Variants in TMEM163 observed in about 807,000 individuals in gnomAD.
TMEM163 encodes transmembrane protein 163.
In TMEM163, 17 loss-of-function variants were observed where a neutral mutation model predicts 29.3. The observed-to-expected ratio is 0.58, with a 90% CI of 0.40 to 0.87. The LOEUF is 0.87. Ranked by LOEUF, TMEM163 falls within the 40% of genes least tolerant of loss-of-function variation. The pLI is 0.00. For missense variants in TMEM163, 303 were observed against 381.5 expected, an observed-to-expected ratio of 0.79 and a Z score of 1.71; for synonymous variants, 157 against 160.6, an observed-to-expected ratio of 0.98 and a Z score of 0.17.
Position 134,460,697 on chromosome 2 carries a change from C to T in TMEM163, c.668-2524G>A, listed in dbSNP as rs1686515815. 6.6e-6 allele frequency among the ~76,000 whole-genome samples: 1 copy of T among 152,142 alleles called. No homozygotes were observed. Among genetic ancestry groups the T allele is most frequent in the South Asian group, 2.1e-4 (1 of 4,824 alleles). Reference sequence around the variant, plus strand: ...AAAGAGGCAAAAGCGTGAGGTTCCCCAGACAGCCACTAGATGTCTGCTCAG... The same window carrying T: ...AAAGAGGCAAAAGCGTGAGGTTCCCTAGACAGCCACTAGATGTCTGCTCAG... On this transcript the variant is annotated intron_variant, in intron 6 of 7. Coordinates refer to ENST00000281924, the MANE Select transcript of TMEM163 (RefSeq NM_030923.5). This position sits in a 1 kb window ranked among gnomAD's most constrained non-coding sequence, Gnocchi z 4.3.
Position 134,642,414 on chromosome 2 carries a change from G to A in TMEM163, c.322+70786C>T, listed in dbSNP as rs184662748. On this transcript the variant is annotated intron_variant, in intron 2 of 7. Coordinates refer to ENST00000281924, the MANE Select transcript of TMEM163 (RefSeq NM_030923.5). The stretch of plus-strand genomic sequence containing the variant: ...CACAGTCCTGGCATTACAGGCACGA[G>A]CCACCGCGAACGGCCACCAATCCAT... 2.6e-3 allele frequency among the ~76,000 whole-genome samples: 394 copies of A among 152,170 alleles called. 2 individuals are homozygous for A. Among genetic ancestry groups the A allele is most frequent in the African/African-American group, 4.2e-3 (173 of 41,512 alleles).
chr2:134,537,442 G>GCCT, intron 4 of TMEM163, among the ~76,000 whole-genome samples: 1 of 152,146 alleles, frequency 6.6e-6, no homozygotes, highest in South Asian at 2.1e-4. Context: ...GCAAGTGCTG[G>GCCT]CCTCTCTCCC....
At chr2:134,612,939 A>C (rs556111505) in intron 2 of TMEM163, among the ~76,000 whole-genome samples, 2 of 152,372 alleles carry the variant, frequency 1.3e-5, no homozygotes, top group Non-Finnish European at 2.9e-5. Flanking sequence ...AGGAAGCCAG[A>C]TGTTAGACTT....
At chr2:134,606,014 A>G (rs2104813639) in intron 2 of TMEM163, among the ~76,000 whole-genome samples, 1 of 152,290 alleles carries the variant, frequency 6.6e-6, no homozygotes. Flanking sequence ...TTCCTTTTAA[A>G]CAATTGAGTA....
At position 134,694,814 on chromosome 2, in the gene TMEM163, A is replaced by G. The variant is rs184152163; in HGVS notation, c.322+18386T>C. Among the ~76,000 whole-genome samples the G allele has an allele frequency of 1.1e-4, 17 of 152,342 alleles. No homozygotes were observed. In the East Asian group the frequency reaches 3.1e-3, roughly 28 times the overall value. On this transcript the variant is annotated intron_variant, in intron 2 of 7. Coordinates refer to ENST00000281924, the MANE Select transcript of TMEM163 (RefSeq NM_030923.5). ...AATGTACTTTATCAAATGAACAAAGATCAACTGACATCTAAAAATACTACA... is the reference window on the plus strand; with the variant it reads ...AATGTACTTTATCAAATGAACAAAGGTCAACTGACATCTAAAAATACTACA...
intron 5 of TMEM163, among the ~76,000 whole-genome samples, chr2:134,491,907 C>T (rs979288786): frequency 1.3e-5 from 2 of 152,126 alleles, no homozygotes; most frequent in African/African-American, 4.8e-5. Context: ...AGGTAACACT[C>T]GAACTGACAA....
intron 2 of TMEM163, among the ~76,000 whole-genome samples, chr2:134,644,517 AATG>A (rs1223109272): frequency 1.3e-5 from 2 of 152,188 alleles, no homozygotes; most frequent in Non-Finnish European, 2.9e-5. Flanking sequence ...CCCTTCAACA[AATG>A]ATGTTAGAAC....
intron 2 of TMEM163, among the ~76,000 whole-genome samples, chr2:134,566,288 A>G (rs530651545): frequency 1.3e-5 from 2 of 152,294 alleles, no homozygotes; most frequent in African/African-American, 4.8e-5. Flanking sequence ...TGGCAGATAT[A>G]AAAGGATTTT....
chr2:134,612,856 T>G (rs1020106284), intron 2 of TMEM163, among the ~76,000 whole-genome samples: 1 of 152,104 alleles, frequency 6.6e-6, no homozygotes, highest in African/African-American at 2.4e-5. Context: ...AACAAAAAAG[T>G]ATGACATGTG....
chr2:134,496,141 G>A lies in TMEM163; in HGVS notation c.555+6760C>T, dbSNP rs1271299302. On this transcript the variant is annotated intron_variant, in intron 5 of 7. Coordinates refer to ENST00000281924, the MANE Select transcript of TMEM163 (RefSeq NM_030923.5). ...CAGTGGCGCAATCTTGGCTCACTGC[G>A]GCCTCCACCTCCAGGGTTCAACCAA... Among the ~76,000 whole-genome samples, 27 of 151,296 alleles carry A rather than the reference G, an allele frequency of 1.8e-4. No individual in the cohort carries two copies. The East Asian group carries it at 2.0e-3, about 11-fold the overall frequency.
At chr2:134,651,749 A>C (rs972960489) in intron 2 of TMEM163, among the ~76,000 whole-genome samples, 1 of 104,428 alleles carries the variant, frequency 9.6e-6, no homozygotes, top group African/African-American at 4.8e-5. Context: ...ATCCAGTTTC[A>C]GCTTTCTACA....
Position 134,458,179 on chromosome 2 carries a change from A to G in TMEM163, c.668-6T>C. 1 of 1,614,126 alleles carries G rather than the reference A, an allele frequency of 6.2e-7. No homozygotes were observed. The highest frequency in any genetic ancestry group is 8.5e-7 in the Non-Finnish European group (1 of 1,179,996). On this transcript the variant is annotated splice_region_variant and splice_polypyrimidine_tract_variant and intron_variant, in intron 6 of 7. Transcript: ENST00000281924. ...ACCCACGAGGGAGTTAAACCCTGCA[A>G]AGGAAGTGGAGAGAGGCTAGATGGC...
At chr2:134,601,641 A>C (rs890510758) in intron 2 of TMEM163, among the ~76,000 whole-genome samples, 6 of 152,220 alleles carry the variant, frequency 3.9e-5, no homozygotes, top group Non-Finnish European at 7.3e-5. Context: ...CCAGTTCACA[A>C]ATGCTTATGG....
At chr2:134,643,155 G>A (rs1396063022) in intron 2 of TMEM163, among the ~76,000 whole-genome samples, 2 of 151,998 alleles carry the variant, frequency 1.3e-5, no homozygotes, top group African/African-American at 4.8e-5. Flanking sequence ...AACTGAAAGA[G>A]GAGACATCAC....
At chr2:134,477,007 T>C (rs559116381) in intron 5 of TMEM163, among the ~76,000 whole-genome samples, 11 of 152,264 alleles carry the variant, frequency 7.2e-5, no homozygotes, top group African/African-American at 2.6e-4. Flanking sequence ...CCAGGCTGAG[T>C]AGGAACCCTC....
At chr2:134,586,697 C>T (rs1574259325) in intron 2 of TMEM163, among the ~76,000 whole-genome samples, 1 of 152,172 alleles carries the variant, frequency 6.6e-6, no homozygotes, top group Admixed American at 6.5e-5. Flanking sequence ...ATCCAGGCCT[C>T]GTCAGCCAGG....
chr2:134,614,945 A>G (rs768630287), intron 2 of TMEM163, among the ~76,000 whole-genome samples: 16 of 152,194 alleles, frequency 1.1e-4, no homozygotes, highest in Non-Finnish European at 2.4e-4. Flanking sequence ...TGCAAACTAC[A>G]TATCAGACAA....
At chr2:134,710,048 A>T (rs533807596) in intron 2 of TMEM163, among the ~76,000 whole-genome samples, 1 of 152,312 alleles carries the variant, frequency 6.6e-6, no homozygotes, top group Non-Finnish European at 1.5e-5. Context: ...CAGTTGTCCC[A>T]GCTTTCCAGA....
At chr2:134,632,236 A>T (rs547766251) in intron 2 of TMEM163, among the ~76,000 whole-genome samples, 6 of 152,308 alleles carry the variant, frequency 3.9e-5, no homozygotes, top group African/African-American at 1.4e-4. Context: ...CAGAGCAGGC[A>T]ATGAGCTAGC....
Sources: gnomAD v4.1 joint callset for allele counts (sites outside exome capture counted in the v4.1 genomes callset) on GRCh38, gnomAD v4.1.1 for gene constraint, Gnocchi (gnomAD v3.1) non-coding constraint, MANE v1.5 for transcripts, NCBI Gene and HGNC (gene_info 2026-07-23, HGNC 2026-07-21) for gene names.